Variants in PTPRD observed in about 807,000 individuals in gnomAD.
PTPRD encodes the protein protein tyrosine phosphatase receptor type D.
Under a neutral mutation model 214.5 loss-of-function variants are expected in PTPRD, and 34 were observed. That is an observed-to-expected ratio of 0.16 (90% CI 0.12 to 0.21). The LOEUF (loss-of-function observed/expected upper bound fraction) is 0.21, where lower values mean the gene tolerates loss of function less well. Among genes scored for constraint, PTPRD ranks in the 10% least tolerant of loss-of-function variants. PTPRD has a pLI of 1.00. For synonymous variants in PTPRD, 1,128 were observed against 845.7 expected (o/e 1.33, Z -5.79); for missense variants, 2,545 against 2,398.7 (o/e 1.06, Z -1.27).
chr9:8,593,192 TG>T (rs1192338272), intron 14 of PTPRD, among the ~76,000 whole-genome samples: 3 of 152,198 alleles, frequency 2.0e-5, no homozygotes, highest in Non-Finnish European at 2.9e-5. Flanking sequence ...AGCATTTGAT[TG>T]AAAAAAGACC....
chr9:10,019,429 A>G (rs1167518024), intron 4 of PTPRD, among the ~76,000 whole-genome samples: 8 of 152,258 alleles, frequency 5.3e-5, no homozygotes, highest in Non-Finnish European at 1.2e-4. Flanking sequence ...ATTACTGGGT[A>G]TATACCCAAA....
chr9:9,846,493 T>C (rs1383204634), intron 5 of PTPRD, among the ~76,000 whole-genome samples: 1 of 152,188 alleles, frequency 6.6e-6, no homozygotes. Context: ...CAAGTTATTA[T>C]AAAATAAATT....
chr9:9,956,514 A>AC (rs1247826879), intron 4 of PTPRD, among the ~76,000 whole-genome samples: 2 of 152,116 alleles, frequency 1.3e-5, no homozygotes, highest in African/African-American at 4.8e-5. Flanking sequence ...GTGGAGAGAA[A>AC]CCCATAATAT....
rs373604152 is a variant in PTPRD at position 10,538,327 on chromosome 9, G to C, written c.-600+74071C>G. On this transcript the variant is annotated intron_variant, in intron 2 of 45. Transcript: ENST00000381196. ...GGAGAGGAGTGGTTCTGTAAAGAAAGAGATGATGAAGAAAAACATTTTCTG... is the reference window on the plus strand; with the variant it reads ...GGAGAGGAGTGGTTCTGTAAAGAAACAGATGATGAAGAAAAACATTTTCTG... Among the ~76,000 whole-genome samples the C allele has an allele frequency of 1.5e-3, 234 of 151,620 alleles. 2 individuals carry two copies. Among genetic ancestry groups the C allele is most frequent in the African/African-American group, 5.5e-3 (229 of 41,432 alleles).
intron 3 of PTPRD, among the ~76,000 whole-genome samples, chr9:10,333,946 A>G (rs1200316006): frequency 6.6e-6 from 1 of 151,816 alleles, no homozygotes; most frequent in African/African-American, 2.4e-5. Context: ...CATTCTGCAA[A>G]ATGTTACAGA....
intron 12 of PTPRD, 135 bp downstream of exon 12, chr9:8,733,644 AG>A: frequency 1.2e-6 from 1 of 853,358 alleles, no homozygotes; most frequent in South Asian, 1.6e-5. Context: ...GCTGGCTGGT[AG>A]CCAAGGAGGA....
intron 5 of PTPRD, among the ~76,000 whole-genome samples, chr9:9,813,757 A>T (rs1365257661): frequency 6.6e-6 from 1 of 152,094 alleles, no homozygotes; most frequent in Non-Finnish European, 1.5e-5. Flanking sequence ...TTCTAAACTC[A>T]TTTTAAAAGG....
intron 2 of PTPRD, among the ~76,000 whole-genome samples, chr9:10,388,972 G>T (rs2097991835): frequency 6.6e-6 from 1 of 151,716 alleles, no homozygotes; most frequent in African/African-American, 2.4e-5. Flanking sequence ...ATTTAATCAA[G>T]AAAAATAATA....
chr9:9,047,675 T>C (rs967389919), intron 10 of PTPRD, among the ~76,000 whole-genome samples: 3 of 152,124 alleles, frequency 2.0e-5, no homozygotes, highest in Admixed American at 6.6e-5. Flanking sequence ...TAAATGGTGC[T>C]GGGAAAACTG....
rs145121208 is a variant in PTPRD, at chr9:8,326,687, T to G, written c.5534+4895A>C. 3.8e-4 allele frequency among the ~76,000 whole-genome samples: 57 copies of G among 151,442 alleles called. No homozygotes were observed. The East Asian group carries it at 0.011, about 28-fold the overall frequency. On this transcript the variant is annotated intron_variant, in intron 44 of 45. Transcript: ENST00000381196. Reference sequence around the variant, plus strand: ...ACCTCTGGTAGAATTCGTCTGGTCCTGGACTTTTTTTGGTTGCTAGGCTAT... The same window carrying G: ...ACCTCTGGTAGAATTCGTCTGGTCCGGGACTTTTTTTGGTTGCTAGGCTAT...
intron 9 of PTPRD, among the ~76,000 whole-genome samples, chr9:9,218,806 C>T (rs1257067300): frequency 6.6e-6 from 1 of 152,242 alleles, no homozygotes; most frequent in East Asian, 1.9e-4. Context: ...CCGGCCCTCA[C>T]AGCTGACGAG....
chr9:9,734,648 A>C (rs1382145404), intron 6 of PTPRD, 77 bp from the exon 7 acceptor site: 1 of 152,140 alleles, frequency 6.6e-6, no homozygotes, highest in Non-Finnish European at 1.5e-5. Context: ...AAAATGCTAT[A>C]ATTCTACAAT....
chr9:9,889,872 G>C lies in PTPRD; in HGVS notation c.-368+48635C>G, dbSNP rs972407932. Among the ~76,000 whole-genome samples the C allele has an allele frequency of 2.0e-5, 3 of 151,808 alleles. No homozygotes were observed. The East Asian group carries it at 5.9e-4, about 30-fold the overall frequency. ...GGGGCAGGTTTCTGAAGGGTGCACG[G>C]GTTCTCCAGTGGCCACTGCCAGCAG... On this transcript the variant is annotated intron_variant, in intron 5 of 45. Coordinates refer to ENST00000381196, the MANE Select transcript of PTPRD (RefSeq NM_002839.4).
chr9:8,432,800 G>C (rs910010136), intron 35 of PTPRD, among the ~76,000 whole-genome samples: 2 of 152,144 alleles, frequency 1.3e-5, no homozygotes, highest in Non-Finnish European at 2.9e-5. Flanking sequence ...GCACAGTAGA[G>C]TCAATTCATG....
At chr9:8,485,400 G>A (rs2096978170) in intron 28 of PTPRD, 76 bp from the exon 29 acceptor site, 1 of 990,068 alleles carries the variant, frequency 1.0e-6, no homozygotes, top group Non-Finnish European at 1.6e-6. Context: ...ATGGACCATA[G>A]GGGCTTATGC....
chr9:10,466,226 C>G (rs997295298), intron 2 of PTPRD, among the ~76,000 whole-genome samples: 1 of 152,062 alleles, frequency 6.6e-6, no homozygotes, highest in African/African-American at 2.4e-5. Context: ...CTCAGGAAGC[C>G]TAATATCTAG....
chr9:10,324,159 G>A (rs905213395), intron 3 of PTPRD, among the ~76,000 whole-genome samples: 1 of 151,952 alleles, frequency 6.6e-6, no homozygotes, highest in Non-Finnish European at 1.5e-5. Flanking sequence ...GGATTGATTG[G>A]CTCTTCTCTA....
intron 3 of PTPRD, among the ~76,000 whole-genome samples, chr9:10,094,882 C>T (rs941973397): frequency 6.6e-6 from 1 of 151,348 alleles, no homozygotes; most frequent in Non-Finnish European, 1.5e-5. Context: ...CATTAGTAAT[C>T]GTGGACTACT....
chr9:9,501,286 T>C (rs2096406213), intron 8 of PTPRD, among the ~76,000 whole-genome samples: 1 of 151,720 alleles, frequency 6.6e-6, no homozygotes, highest in Non-Finnish European at 1.5e-5. Context: ...AAAACACAGA[T>C]TGGAAGTAAA....
Sources: gnomAD v4.1 joint callset for allele counts (sites outside exome capture counted in the v4.1 genomes callset) on GRCh38, gnomAD v4.1.1 for gene constraint, MANE v1.5 for transcripts, NCBI Gene and HGNC (gene_info 2026-07-23, HGNC 2026-07-21) for gene names.